The following SNTG1 variants were observed in gnomAD, a reference collection of about 807,000 sequenced individuals.
SNTG1 encodes gamma-1-syntrophin.
In SNTG1, 39 loss-of-function variants were observed where a neutral mutation model predicts 74.7. The observed-to-expected ratio is 0.52, with a 90% CI of 0.40 to 0.68. The LOEUF is 0.68. Among genes scored for constraint, SNTG1 ranks in the 30% least tolerant of loss-of-function variants. The pLI, the probability that SNTG1 is intolerant of heterozygous loss-of-function variation, is 0.00. For synonymous variants in SNTG1, 254 were observed against 217.1 expected, an observed-to-expected ratio of 1.17 and a Z score of -1.49; for missense variants, 685 against 609.5, an observed-to-expected ratio of 1.12 and a Z score of -1.30.
chr8:50,289,982 A>T (rs2089003671), intron 2 of SNTG1, among the ~76,000 whole-genome samples: 1 of 152,158 alleles, frequency 6.6e-6, no homozygotes, highest in Non-Finnish European at 1.5e-5. Context: ...AACATGAGGA[A>T]TGGGTTCCTA....
intron 2 of SNTG1, among the ~76,000 whole-genome samples, chr8:50,343,270 A>G (rs1233558668): frequency 6.6e-6 from 1 of 152,220 alleles, no homozygotes; most frequent in Non-Finnish European, 1.5e-5. Flanking sequence ...AATAGATTAC[A>G]TGGCATTAAT....
chr8:50,514,584 GA>G (rs1222296457), intron 9 of SNTG1, among the ~76,000 whole-genome samples: 10 of 152,156 alleles, frequency 6.6e-5, no homozygotes, highest in Admixed American at 4.6e-4. Context: ...CATTGTATCA[GA>G]AAAGATATTT....
chr8:50,317,184 A>G (rs2090348404), intron 2 of SNTG1, among the ~76,000 whole-genome samples: 1 of 152,108 alleles, frequency 6.6e-6, no homozygotes, highest in Admixed American at 6.6e-5. Context: ...TGGGAGGGTA[A>G]GCTTCAACCC....
intron 1 of SNTG1, among the ~76,000 whole-genome samples, chr8:50,042,516 G>A (rs1818724795): frequency 6.6e-6 from 1 of 152,104 alleles, no homozygotes; most frequent in South Asian, 2.1e-4. Context: ...AACCATGATA[G>A]CATCATTGCT....
chr8:50,447,369 T>A (rs1352507220), intron 5 of SNTG1, among the ~76,000 whole-genome samples: 1 of 152,186 alleles, frequency 6.6e-6, no homozygotes, highest in Non-Finnish European at 1.5e-5. Context: ...AGCAAAATCA[T>A]TGTTGTTCCC....
intron 1 of SNTG1, among the ~76,000 whole-genome samples, chr8:50,054,631 C>T (rs956355227): frequency 4.6e-5 from 7 of 152,004 alleles, no homozygotes; most frequent in Admixed American, 6.6e-5. Flanking sequence ...ACCTGGTGAT[C>T]GAATAACCTG....
chr8:50,136,452 C>T (rs916814643), intron 1 of SNTG1, among the ~76,000 whole-genome samples: 1 of 152,160 alleles, frequency 6.6e-6, no homozygotes, highest in African/African-American at 2.4e-5. Context: ...GCCATTCTGA[C>T]TGGTGTGAGA....
intron 15 of SNTG1, among the ~76,000 whole-genome samples, chr8:50,684,004 C>T (rs2095341747): frequency 6.6e-6 from 1 of 152,184 alleles, no homozygotes; most frequent in Non-Finnish European, 1.5e-5. Context: ...AAGACTGGAA[C>T]ATTGAAGAAC....
At chr8:50,051,225 A>C (rs1819541523) in intron 1 of SNTG1, among the ~76,000 whole-genome samples, 1 of 140,862 alleles carries the variant, frequency 7.1e-6, no homozygotes, top group African/African-American at 2.7e-5. Context: ...CATTATCTTT[A>C]GATAGAAAAT....
chr8:50,203,695 C>G (rs556882241), intron 2 of SNTG1, among the ~76,000 whole-genome samples: 68 of 152,042 alleles, frequency 4.5e-4, no homozygotes, highest in African/African-American at 1.5e-3. Context: ...CGTATTAATA[C>G]AAAATTTCAT....
rs28893194 is a variant in SNTG1, at chr8:50,156,367, G to A, written c.-102-16194G>A. 8.0e-3 allele frequency among the ~76,000 whole-genome samples: 1,216 copies of A among 152,056 alleles called. 16 individuals are homozygous for A. Among genetic ancestry groups the A allele is most frequent in the African/African-American group, 0.028 (1,165 of 41,504 alleles). On this transcript the variant is annotated intron_variant, in intron 1 of 18. Coordinates refer to ENST00000642720, the MANE Select transcript of SNTG1 (RefSeq NM_018967.5). ...ACGGATCTATAACGCTTATGATCAC[G>A]GATGCTAAAATCTTTTATGAAATAT...
At chr8:50,204,742 C>T (rs1004195666) in intron 2 of SNTG1, among the ~76,000 whole-genome samples, 15 of 152,018 alleles carry the variant, frequency 9.9e-5, no homozygotes, top group African/African-American at 3.6e-4. Context: ...ATGACAGGCC[C>T]CGGTGTGTGA....
At chr8:50,130,652 G>T (rs1388199539) in intron 1 of SNTG1, among the ~76,000 whole-genome samples, 1 of 151,944 alleles carries the variant, frequency 6.6e-6, no homozygotes, top group Admixed American at 6.6e-5. Context: ...TTTGAAATTT[G>T]CGTTAAAAGA....
At chr8:50,074,644 T>C (rs185303777) in intron 1 of SNTG1, among the ~76,000 whole-genome samples, 1 of 152,324 alleles carries the variant, frequency 6.6e-6, no homozygotes, top group East Asian at 1.9e-4. Context: ...CACCACAACA[T>C]AATAATAATG....
At chr8:50,393,868 A>G (rs1477827349) in intron 2 of SNTG1, among the ~76,000 whole-genome samples, 1 of 152,154 alleles carries the variant, frequency 6.6e-6, no homozygotes, top group Non-Finnish European at 1.5e-5. Flanking sequence ...CTCAATTGCA[A>G]ACTCAGGTTT....
At chr8:50,511,775 T>G (rs2094078893) in intron 9 of SNTG1, among the ~76,000 whole-genome samples, 1 of 152,212 alleles carries the variant, frequency 6.6e-6, no homozygotes, top group African/African-American at 2.4e-5. Context: ...TTGGTAGATC[T>G]TCCTCGATCC....
chr8:50,352,060 C>T (rs1554646693), intron 2 of SNTG1, among the ~76,000 whole-genome samples: 15 of 152,126 alleles, frequency 9.9e-5, no homozygotes, highest in Non-Finnish European at 2.2e-4. Flanking sequence ...CATAACCATG[C>T]TTTTCTTTGC....
chr8:50,391,659 T>C (rs2092662613), intron 2 of SNTG1, among the ~76,000 whole-genome samples: 1 of 152,144 alleles, frequency 6.6e-6, no homozygotes, highest in South Asian at 2.1e-4. Flanking sequence ...CCAGCTCCTC[T>C]TTGTACCTCT....
intron 15 of SNTG1, among the ~76,000 whole-genome samples, chr8:50,692,111 A>C (rs1227197412): frequency 6.6e-6 from 1 of 151,960 alleles, no homozygotes; most frequent in Non-Finnish European, 1.5e-5. Flanking sequence ...AGGTTCTTTA[A>C]GGACTTCTCT....
Sources: allele counts gnomAD v4.1 joint callset (sites outside exome capture counted in the v4.1 genomes callset), GRCh38; gene constraint gnomAD v4.1.1; transcripts MANE v1.5; gene names NCBI Gene and HGNC (gene_info 2026-07-23, HGNC 2026-07-21).